The following COL5A1 variants were observed in gnomAD, a reference collection of about 807,000 sequenced individuals.
COL5A1 encodes the protein collagen type V alpha 1 chain.
COL5A1 carries 16 observed loss-of-function variants against 263.7 expected under a neutral mutation model. That is an observed-to-expected ratio of 0.06 (90% CI 0.04 to 0.09). The LOEUF (loss-of-function observed/expected upper bound fraction) is 0.09, where lower values mean the gene tolerates loss of function less well. Ranked by LOEUF, COL5A1 falls within the 10% of genes least tolerant of loss-of-function variation. The probability of loss-of-function intolerance (pLI) is 1.00; values close to 1 mark genes in which losing one functional copy is unlikely to be tolerated. For synonymous variants in COL5A1, 1,012 were observed against 1,004.5 expected, an observed-to-expected ratio of 1.01 and a Z score of -0.14; for missense variants, 2,036 against 2,540.5, an observed-to-expected ratio of 0.80 and a Z score of 4.27.
chr9:134,677,936 C>T lies in COL5A1; in HGVS notation c.110-12976C>T, dbSNP rs1438289218. ...CGCTGGGGGTCTCAAGATTCTCTGT[C>T]GCCCCATAGCTTGGGTATGGAGGGC... is the stretch of plus-strand genomic sequence containing the variant. On this transcript the variant is annotated intron_variant, in intron 1 of 65. Coordinates refer to ENST00000371817, the MANE Select transcript of COL5A1 (RefSeq NM_000093.5). This position sits in a 1 kb window ranked among gnomAD's most constrained non-coding sequence, Gnocchi z 4.4. 3.3e-5 allele frequency among the ~76,000 whole-genome samples: 5 copies of T among 152,230 alleles called. No individual in the cohort carries two copies. The highest frequency in any genetic ancestry group is 4.4e-5 in the Non-Finnish European group (3 of 68,046).
At chr9:134,695,733 G>A (rs989302774) in intron 2 of COL5A1, among the ~76,000 whole-genome samples, 9 of 152,114 alleles carry the variant, frequency 5.9e-5, no homozygotes, top group Non-Finnish European at 1.3e-4. Flanking sequence ...CTCTATCTTC[G>A]ACCCCATGGG....
chr9:134,842,107 A>G lies in COL5A1; in HGVS notation c.5371-50A>G. 6.2e-7 allele frequency: 1 copy of G among 1,609,016 alleles called. No homozygotes were observed. ...TGTGGGGGGTGATTGGTAAACCCCA[A>G]GACCCCCAACTGTTCTTAACCACCG... On this transcript the variant is annotated intron_variant, in intron 65 of 65. Coordinates refer to ENST00000371817, the MANE Select transcript of COL5A1 (RefSeq NM_000093.5). This position sits in a 1 kb window ranked among gnomAD's most constrained non-coding sequence, Gnocchi z 5.8.
rs1832899292 is a variant in COL5A1 at position 134,682,751 on chromosome 9, G to C, written c.110-8161G>C. 6.6e-6 allele frequency among the ~76,000 whole-genome samples: 1 copy of C among 152,218 alleles called. No individual in the cohort carries two copies. The highest frequency in any genetic ancestry group is 2.4e-5 in the African/African-American group (1 of 41,458). ...ACGAGTGACCAGGTGGAATCTGCTG[G>C]TGTGTTGTGGTTCTGGGGCCAGGGG... On this transcript the variant is annotated intron_variant, in intron 1 of 65. Transcript: ENST00000371817. The surrounding 1 kb of genome is among the most constrained non-coding windows in gnomAD (Gnocchi z 5.1).
intron 54 of COL5A1, 94 bp downstream of exon 54, chr9:134,817,925 C>A: frequency 1.5e-6 from 2 of 1,325,126 alleles, no homozygotes; most frequent in Non-Finnish European, 2.1e-6. Flanking sequence ...CAGAGATGTC[C>A]ATGGAGGCTG....
intron 65 of COL5A1, among the ~76,000 whole-genome samples, chr9:134,836,725 T>C (rs1021544324): frequency 2.6e-5 from 4 of 152,178 alleles, no homozygotes; most frequent in African/African-American, 9.6e-5. Flanking sequence ...CCCTCACCCA[T>C]AGGACGCTCA....
intron 65 of COL5A1, among the ~76,000 whole-genome samples, chr9:134,835,875 G>A (rs58046303): frequency 0.079 from 12,001 of 152,250 alleles, 1,304 homozygotes; most frequent in African/African-American, 0.25. Flanking sequence ...CAGGGCCATC[G>A]CACAGGTCTG....
rs1296216567 is a variant in COL5A1 at position 134,718,023 on chromosome 9, C to T, written c.655-9243C>T. 7.9e-5 allele frequency among the ~76,000 whole-genome samples: 12 copies of T among 152,278 alleles called. No homozygotes were observed. In the East Asian group the frequency reaches 1.9e-3, roughly 25 times the overall value. On this transcript the variant is annotated intron_variant, in intron 4 of 65. Transcript: ENST00000371817. ...AGCCTGGGCTGGGGGGCCGCGGCCA[C>T]GGGAGCCTCTAATTTGGTGAGGTCC...
Position 134,768,479 on chromosome 9 carries a change from C to T in COL5A1, c.2286+16C>T. ...CGGACCCCCGGTGAGTAGCCCTGCCCACCTCATCCCTCCATACTCTCCCCA... is the reference window on the plus strand; with the variant it reads ...CGGACCCCCGGTGAGTAGCCCTGCCTACCTCATCCCTCCATACTCTCCCCA... On this transcript the variant is annotated intron_variant, in intron 25 of 65. Coordinates refer to ENST00000371817, the MANE Select transcript of COL5A1 (RefSeq NM_000093.5). 6.2e-7 allele frequency: 1 copy of T among 1,613,404 alleles called. No homozygotes were observed. Among genetic ancestry groups the T allele is most frequent in the Non-Finnish European group, 8.5e-7 (1 of 1,179,470 alleles).
chr9:134,730,630 C>T (rs1026688470), intron 7 of COL5A1, among the ~76,000 whole-genome samples, 155 bp downstream of exon 7: 70 of 152,246 alleles, frequency 4.6e-4, no homozygotes, highest in African/African-American at 1.6e-3. Flanking sequence ...GGGCCCTTTG[C>T]AGCTGGGTGG....
chr9:134,817,938 A>G, intron 54 of COL5A1, 107 bp downstream of exon 54: 1 of 1,177,474 alleles, frequency 8.5e-7, no homozygotes, highest in Admixed American at 2.0e-5. Context: ...GGAGGCTGAG[A>G]GTGGCTGCCC....
chr9:134,667,212 C>T (rs901217099), intron 1 of COL5A1, among the ~76,000 whole-genome samples: 4 of 152,204 alleles, frequency 2.6e-5, no homozygotes, highest in South Asian at 2.1e-4. Context: ...GATGTTCACC[C>T]GTGGAATGGA....
rs1836057856 is a variant in COL5A1, at chr9:134,758,226, T to C, written c.1882-17T>C. On this transcript the variant is annotated splice_polypyrimidine_tract_variant and intron_variant, in intron 17 of 65. Coordinates refer to ENST00000371817, the MANE Select transcript of COL5A1 (RefSeq NM_000093.5). This position sits in a 1 kb window ranked among gnomAD's most constrained non-coding sequence, Gnocchi z 4.1. ...TGCAGGGTGGCGTCTGAGGCAGCCT[T>C]TCTGTCCTTTTTGCAGGGTGACCGG... 3 of 1,613,688 alleles carry C rather than the reference T, an allele frequency of 1.9e-6. No homozygotes were observed. The highest frequency in any genetic ancestry group is 1.6e-4 in the Middle Eastern group (1 of 6,072).
rs767138249 is a variant in COL5A1, at chr9:134,829,323, C to T, written c.5068-653C>T. On this transcript the variant is annotated intron_variant, in intron 63 of 65. Coordinates refer to ENST00000371817, the MANE Select transcript of COL5A1 (RefSeq NM_000093.5). Reference sequence around the variant, plus strand: ...GAGGGCTGGGGCCAGGCTCCTCACACGGCCTCCAGTCTCCCCGAGGGCTGG... The same window carrying T: ...GAGGGCTGGGGCCAGGCTCCTCACATGGCCTCCAGTCTCCCCGAGGGCTGG... Among the ~76,000 whole-genome samples, 280 of 145,682 alleles carry T rather than the reference C, an allele frequency of 1.9e-3. 1 individual carries two copies. Among genetic ancestry groups the T allele is most frequent in the African/African-American group, 6.2e-3 (234 of 38,022 alleles).
rs747516394 is a variant in COL5A1, at chr9:134,842,362, G to A, written c.*59G>A. On this transcript the variant is annotated 3_prime_UTR_variant, in exon 66 of 66. Coordinates refer to ENST00000371817, the MANE Select transcript of COL5A1 (RefSeq NM_000093.5). This position sits in a 1 kb window ranked among gnomAD's most constrained non-coding sequence, Gnocchi z 5.8. Reference sequence around the variant, plus strand: ...CGTGACCTCAGCATGCCATTCGTTCGTGAGTGTCCCGTGCACGTCCTGACC... The same window carrying A: ...CGTGACCTCAGCATGCCATTCGTTCATGAGTGTCCCGTGCACGTCCTGACC... The A allele has an allele frequency of 4.8e-5, 77 of 1,600,046 alleles. No individual in the cohort carries two copies. Among genetic ancestry groups the A allele is most frequent in the South Asian group, 1.8e-4 (16 of 90,122 alleles).
chr9:134,648,767 C>T (rs773062312), intron 1 of COL5A1, among the ~76,000 whole-genome samples: 14 of 152,144 alleles, frequency 9.2e-5, no homozygotes, highest in Non-Finnish European at 1.6e-4. Context: ...TCACTGGGTA[C>T]GCAGGAGAAA....
chr9:134,819,561 C>CT (rs759811952), intron 57 of COL5A1, among the ~76,000 whole-genome samples: 2 of 152,232 alleles, frequency 1.3e-5, no homozygotes, highest in Non-Finnish European at 2.9e-5. Flanking sequence ...CATTTCCACT[C>CT]TGACGTCCGC....
intron 28 of COL5A1, 123 bp from the exon 29 acceptor site, chr9:134,782,544 C>T: frequency 1.1e-6 from 1 of 911,762 alleles, no homozygotes; most frequent in Non-Finnish European, 1.8e-6. Flanking sequence ...CCGTCCGGGC[C>T]ATGTGCTGCC....
chr9:134,736,708 G>A (rs1015436192), intron 9 of COL5A1, among the ~76,000 whole-genome samples: 1 of 152,232 alleles, frequency 6.6e-6, no homozygotes, highest in Non-Finnish European at 1.5e-5. Flanking sequence ...ATCAGGTACT[G>A]ATGAGACTTA....
chr9:134,827,199 G>C (rs576192844), intron 63 of COL5A1, among the ~76,000 whole-genome samples: 2 of 152,356 alleles, frequency 1.3e-5, no homozygotes, highest in African/African-American at 4.8e-5. Context: ...TTTCCTGCCA[G>C]GGGAAGAGCA....
Sources: gnomAD v4.1 joint callset for allele counts (sites outside exome capture counted in the v4.1 genomes callset) on GRCh38, gnomAD v4.1.1 for gene constraint, Gnocchi (gnomAD v3.1) non-coding constraint, MANE v1.5 for transcripts, NCBI Gene and HGNC (gene_info 2026-07-23, HGNC 2026-07-21) for gene names.